Variants in SHROOM2 observed in about 807,000 individuals in gnomAD.
SHROOM2 encodes shroom family member 2, also known as protein Shroom2.
A neutral mutation model predicts 75.9 loss-of-function variants in SHROOM2; 33 were observed. The observed-to-expected ratio is 0.43, with a 90% CI of 0.33 to 0.58. The LOEUF (loss-of-function observed/expected upper bound fraction) is 0.58. Ranked by LOEUF, SHROOM2 falls within the 20% of genes least tolerant of loss-of-function variation. The probability of loss-of-function intolerance (pLI) is 0.04; values close to 1 mark genes in which losing one functional copy is unlikely to be tolerated. For missense variants in SHROOM2, 1,434 were observed against 1,461.2 expected (o/e 0.98, Z 0.30); for synonymous variants, 655 against 663.6 (o/e 0.99, Z 0.20).
intron 1 of SHROOM2, among the ~76,000 whole-genome samples, chrX:9,859,538 C>A (rs1047446226): frequency 9.0e-6 from 1 of 111,301 alleles, no homozygotes; most frequent in African/African-American, 3.3e-5. Flanking sequence ...GTACAGAGTC[C>A]CTTGGTGGAG....
intron 2 of SHROOM2, among the ~76,000 whole-genome samples, chrX:9,876,214 T>C: frequency 1.8e-5 from 2 of 112,072 alleles, no homozygotes; most frequent in Middle Eastern, 9.2e-3. Context: ...CAGCGGAGTT[T>C]ATTTACAAAT....
At chrX:9,813,383 G>A (rs192008312) in intron 1 of SHROOM2, among the ~76,000 whole-genome samples, 87 of 111,563 alleles carry the variant, frequency 7.8e-4, no homozygotes, top group South Asian at 4.2e-3. Context: ...TTCAACTGGA[G>A]GACCACAGTG....
intron 1 of SHROOM2, among the ~76,000 whole-genome samples, chrX:9,802,746 C>CGACT (rs1569136013): frequency 9.0e-6 from 1 of 110,731 alleles, no homozygotes; most frequent in African/African-American, 3.3e-5. Context: ...ATGGGATGAA[C>CGACT]GACTGCACAT....
rs1555923270 is a variant in SHROOM2 at position 9,815,480 on chromosome X, GTA to G, written c.165+28775_165+28776del. ...TGTGTGTGTGTGTGTGTGTGTGTGT[GTA>G]TATAATATCTCCTATATATCTCATA... On this transcript the variant is annotated intron_variant, in intron 1 of 9. Transcript: ENST00000380913. Among the ~76,000 whole-genome samples, 10 of 87,785 alleles carry G rather than the reference GTA, an allele frequency of 1.1e-4. No homozygotes were observed. In the South Asian group the frequency reaches 1.9e-3, roughly 17 times the overall value. 76.2% of individuals were successfully genotyped at this position (87,785 alleles called of 115,157 possible).
chrX:9,793,354 A>G lies in SHROOM2; in HGVS notation c.165+6644A>G, dbSNP rs748312544. Reference sequence around the variant, plus strand: ...ACTCAGGCCAGAGTGCAATGGCATGATCTCGGCTCACTGCAACCTCCACCT... The same window carrying G: ...ACTCAGGCCAGAGTGCAATGGCATGGTCTCGGCTCACTGCAACCTCCACCT... On this transcript the variant is annotated intron_variant, in intron 1 of 9. Transcript: ENST00000380913. 2.6e-4 allele frequency among the ~76,000 whole-genome samples: 28 copies of G among 107,238 alleles called. 1 individual carries two copies. The highest frequency in any genetic ancestry group is 8.6e-4 in the African/African-American group (25 of 29,110). 93.1% of individuals were successfully genotyped at this position (107,238 alleles called of 115,157 possible).
At chrX:9,823,150 T>TCCCTTC (rs2083867640) in intron 1 of SHROOM2, among the ~76,000 whole-genome samples, 9 of 45,770 alleles carry the variant, frequency 2.0e-4, no homozygotes, top group African/African-American at 4.1e-4. Flanking sequence ...CTTCTCCTTC[T>TCCCTTC]TCCTTCTTCT....
At chrX:9,829,501 A>T (rs764400327) in intron 1 of SHROOM2, among the ~76,000 whole-genome samples, 1 of 111,947 alleles carries the variant, frequency 8.9e-6, no homozygotes, top group Admixed American at 9.5e-5. Flanking sequence ...TGGAGTTCCA[A>T]TGATGCCCAA....
chrX:9,944,975 A>G (rs2084805987), intron 9 of SHROOM2, 62 bp downstream of exon 9: 1 of 1,107,436 alleles, frequency 9.0e-7, no homozygotes, highest in Admixed American at 2.7e-5. Flanking sequence ...CTGTTTTTCA[A>G]GTGTCGTGAA....
chrX:9,870,457 T>C (rs1280828223), intron 1 of SHROOM2, among the ~76,000 whole-genome samples: 2 of 112,539 alleles, frequency 1.8e-5, no homozygotes, highest in Non-Finnish European at 3.7e-5. Flanking sequence ...TTTTACACCA[T>C]GTTTCCTTTG....
intron 1 of SHROOM2, among the ~76,000 whole-genome samples, chrX:9,815,915 C>T (rs1332189478): frequency 1.8e-5 from 2 of 112,122 alleles, no homozygotes; most frequent in African/African-American, 6.5e-5. Flanking sequence ...GCAACACCCT[C>T]ACAGACACAC....
intron 5 of SHROOM2, among the ~76,000 whole-genome samples, chrX:9,920,411 G>T (rs2084534628): frequency 8.9e-6 from 1 of 112,219 alleles, no homozygotes; most frequent in African/African-American, 3.2e-5. Flanking sequence ...GAGCATGTAG[G>T]TGTAGGGAAC....
At chrX:9,815,293 A>G (rs1212804831) in intron 1 of SHROOM2, among the ~76,000 whole-genome samples, 2 of 110,754 alleles carry the variant, frequency 1.8e-5, no homozygotes, top group African/African-American at 3.3e-5. Flanking sequence ...GTCTAATCAT[A>G]TTAAGCAGGC....
At chrX:9,812,828 G>A (rs1422989788) in intron 1 of SHROOM2, among the ~76,000 whole-genome samples, 1 of 112,426 alleles carries the variant, frequency 8.9e-6, no homozygotes, top group Non-Finnish European at 1.9e-5. Context: ...CTTCTGGTGG[G>A]CCTTGTGGAC....
intron 6 of SHROOM2, among the ~76,000 whole-genome samples, chrX:9,936,332 G>A (rs892292679): frequency 4.5e-5 from 5 of 109,953 alleles, no homozygotes; most frequent in Admixed American, 1.9e-4. Flanking sequence ...GGTGGGTCTC[G>A]AACTCCTGAC....
chrX:9,930,943 A>T (rs980184384), intron 5 of SHROOM2, among the ~76,000 whole-genome samples: 1 of 109,283 alleles, frequency 9.2e-6, no homozygotes. Flanking sequence ...GGGCTTCACC[A>T]TGTTGGCCAG....
chrX:9,946,989 G>A lies in SHROOM2; in HGVS notation c.*52G>A, dbSNP rs762979970. 22 of 1,106,444 alleles carry A rather than the reference G, an allele frequency of 2.0e-5. No individual in the cohort carries two copies. The highest frequency in any genetic ancestry group is 1.4e-4 in the Admixed American group (5 of 35,074). 91.2% of individuals were successfully genotyped at this position (1,106,444 alleles called of 1,213,427 possible). ...CACGGGGCCTCCGAGCTCCAGCTCC[G>A]TTCCCAAGGATACTCGTGAAGACCC... On this transcript the variant is annotated 3_prime_UTR_variant, in exon 10 of 10. Coordinates refer to ENST00000380913, the MANE Select transcript of SHROOM2 (RefSeq NM_001649.4).
intron 5 of SHROOM2, among the ~76,000 whole-genome samples, chrX:9,908,401 T>C (rs1010566229): frequency 3.6e-5 from 4 of 112,080 alleles, no homozygotes; most frequent in African/African-American, 1.3e-4. Context: ...CTGTTCTTTT[T>C]TTATGTGTGG....
intron 2 of SHROOM2, among the ~76,000 whole-genome samples, chrX:9,888,074 G>A (rs1393144707): frequency 8.8e-6 from 1 of 113,140 alleles, no homozygotes; most frequent in East Asian, 2.8e-4. Context: ...GGCTACACCC[G>A]GGATTGATGT....
chrX:9,941,368 A>G (rs755816285), intron 8 of SHROOM2, among the ~76,000 whole-genome samples: 1 of 112,191 alleles, frequency 8.9e-6, no homozygotes, highest in Admixed American at 9.4e-5. Flanking sequence ...TATGGACCAC[A>G]GTGGTGAGCC....
Sources: allele counts gnomAD v4.1 joint callset (sites outside exome capture counted in the v4.1 genomes callset), GRCh38; gene constraint gnomAD v4.1.1; transcripts MANE v1.5; gene names NCBI Gene and HGNC (gene_info 2026-07-23, HGNC 2026-07-21).